The following MCC variants were observed in gnomAD, a reference collection of about 807,000 sequenced individuals.
The protein encoded by MCC is colorectal mutant cancer protein.
Under a neutral mutation model 116.2 loss-of-function variants are expected in MCC, and 90 were observed. The ratio of observed to expected loss-of-function variants is 0.77; its 90% confidence interval spans 0.65 to 0.92. The LOEUF (loss-of-function observed/expected upper bound fraction) is 0.92, where lower values mean the gene tolerates loss of function less well. MCC is among the 40% of genes least tolerant of loss of function. The probability of loss-of-function intolerance (pLI) is 0.00; values close to 1 mark genes in which losing one functional copy is unlikely to be tolerated. For synonymous variants in MCC, 578 were observed against 510.5 expected, an observed-to-expected ratio of 1.13 and a Z score of -1.78; for missense variants, 1,516 against 1,312.2, an observed-to-expected ratio of 1.16 and a Z score of -2.40.
intron 3 of MCC, among the ~76,000 whole-genome samples, chr5:113,298,506 G>A (rs1429926693): frequency 6.6e-6 from 1 of 152,202 alleles, no homozygotes; most frequent in Non-Finnish European, 1.5e-5. Flanking sequence ...GATGGTGACA[G>A]GAAAATGGGA....
chr5:113,252,099 C>A (rs1350102764), intron 3 of MCC, among the ~76,000 whole-genome samples: 1 of 152,182 alleles, frequency 6.6e-6, no homozygotes, highest in Non-Finnish European at 1.5e-5. Flanking sequence ...TTATCCCTGA[C>A]GTCCTGCCAA....
intron 6 of MCC, among the ~76,000 whole-genome samples, chr5:113,109,251 G>GTATACT (rs1422491805): frequency 6.6e-6 from 1 of 152,174 alleles, no homozygotes; most frequent in African/African-American, 2.4e-5. Flanking sequence ...GTAGCCAAAA[G>GTATACT]GTGGAAGTAG....
intron 1 of MCC, among the ~76,000 whole-genome samples, chr5:113,466,171 C>CTTT (rs11400769): frequency 5.8e-4 from 87 of 149,548 alleles, no homozygotes; most frequent in African/African-American, 2.0e-3. Flanking sequence ...AGTAGCCATT[C>CTTT]TTTTTTTTTT....
At chr5:113,327,564 ATAT>A (rs1767598825) in intron 3 of MCC, among the ~76,000 whole-genome samples, 2 of 80,504 alleles carry the variant, frequency 2.5e-5, no homozygotes, top group African/African-American at 1.0e-4. Context: ...AAAAAAAAAT[ATAT>A]ATATATATAT....
intron 3 of MCC, among the ~76,000 whole-genome samples, chr5:113,226,663 T>G (rs1200515304): frequency 1.3e-5 from 2 of 152,244 alleles, no homozygotes; most frequent in Non-Finnish European, 2.9e-5. Context: ...GAGCTTAAAT[T>G]AAGCTAATTG....
At chr5:113,042,743 G>A (rs1343233519) in intron 17 of MCC, among the ~76,000 whole-genome samples, 1 of 151,352 alleles carries the variant, frequency 6.6e-6, no homozygotes, top group Non-Finnish European at 1.5e-5. Flanking sequence ...GATATGCTGA[G>A]GTGTAAAATA....
intron 3 of MCC, among the ~76,000 whole-genome samples, chr5:113,240,706 C>G (rs1764332996): frequency 1.3e-5 from 2 of 152,156 alleles, no homozygotes; most frequent in East Asian, 3.8e-4. Flanking sequence ...TTCCTATACT[C>G]AGAGAGCAAA....
At chr5:113,368,019 G>A (rs952491540) in intron 2 of MCC, among the ~76,000 whole-genome samples, 2 of 152,152 alleles carry the variant, frequency 1.3e-5, no homozygotes, top group African/African-American at 4.8e-5. Flanking sequence ...TGCTCTAGTA[G>A]GGGTAAGCTG....
chr5:113,125,460 G>C (rs964132261), intron 5 of MCC, among the ~76,000 whole-genome samples: 2 of 152,126 alleles, frequency 1.3e-5, no homozygotes, highest in African/African-American at 4.8e-5. Context: ...TTAAATATTA[G>C]AAAGTTCATG....
chr5:113,088,326 T>C (rs1755349525), intron 8 of MCC, among the ~76,000 whole-genome samples: 1 of 151,946 alleles, frequency 6.6e-6, no homozygotes, highest in African/African-American at 2.4e-5. Context: ...TGAGTCAGCT[T>C]AGGCATGGCT....
At chr5:113,258,897 A>T (rs1360880228) in intron 3 of MCC, among the ~76,000 whole-genome samples, 1 of 152,228 alleles carries the variant, frequency 6.6e-6, no homozygotes, top group Non-Finnish European at 1.5e-5. Flanking sequence ...TAAATCTTTT[A>T]AAGTAATTTT....
intron 17 of MCC, among the ~76,000 whole-genome samples, chr5:113,040,935 T>A (rs1751668600): frequency 6.6e-6 from 1 of 152,234 alleles, no homozygotes; most frequent in Non-Finnish European, 1.5e-5. Flanking sequence ...TTTGAAAAAC[T>A]TAAGGGCTTA....
chr5:113,164,547 C>A (rs1760672399), intron 3 of MCC, among the ~76,000 whole-genome samples: 1 of 152,184 alleles, frequency 6.6e-6, no homozygotes, highest in Admixed American at 6.5e-5. Context: ...CAGATGAATT[C>A]TGCCTAGCTC....
intron 3 of MCC, among the ~76,000 whole-genome samples, chr5:113,333,818 TAC>T (rs1214374318): frequency 1.8e-4 from 20 of 108,250 alleles, no homozygotes; most frequent in African/African-American, 6.0e-4. Flanking sequence ...TGTATATATG[TAC>T]ATATATGTAT....
At chr5:113,349,865 T>A (rs1048703770) in intron 2 of MCC, among the ~76,000 whole-genome samples, 1 of 152,052 alleles carries the variant, frequency 6.6e-6, no homozygotes, top group Non-Finnish European at 1.5e-5. Context: ...AAAATCAACA[T>A]ACAAAAATCA....
intron 3 of MCC, among the ~76,000 whole-genome samples, chr5:113,180,032 C>T (rs1761534533): frequency 6.6e-6 from 1 of 152,092 alleles, no homozygotes; most frequent in African/African-American, 2.4e-5. Flanking sequence ...CTATTCTCAC[C>T]CCAGAAGTAC....
intron 3 of MCC, among the ~76,000 whole-genome samples, chr5:113,271,089 C>G (rs966990638): frequency 2.6e-5 from 4 of 152,148 alleles, no homozygotes; most frequent in African/African-American, 9.7e-5. Flanking sequence ...CCTTAGTGAG[C>G]AAGTATGTTC....
intron 3 of MCC, among the ~76,000 whole-genome samples, chr5:113,317,415 G>C (rs750781699): frequency 2.6e-5 from 4 of 152,148 alleles, no homozygotes; most frequent in Admixed American, 1.3e-4. Context: ...AATGGACACT[G>C]GTAGATTTAT....
rs10673164 is a variant in MCC at position 113,386,754 on chromosome 5, CATATAT to C, written c.171-1548_171-1543del. On this transcript the variant is annotated intron_variant, in intron 1 of 18. Transcript: ENST00000408903. ...TGTGTGTCTGTGTCCATATGTATAT[CATATAT>C]ATATATATATATATGCCTCTGCATC... is the stretch of plus-strand genomic sequence containing the variant. 5.5e-3 allele frequency among the ~76,000 whole-genome samples: 771 copies of C among 141,100 alleles called. 13 individuals are homozygous for C. The highest frequency in any genetic ancestry group is 6.3e-3 in the Non-Finnish European group (418 of 66,130). The allele number at this position is 141,100 out of a possible 152,430, so 92.6% of individuals were successfully genotyped here.
Sources: allele counts gnomAD v4.1 joint callset (sites outside exome capture counted in the v4.1 genomes callset), GRCh38; gene constraint gnomAD v4.1.1; transcripts MANE v1.5; gene names NCBI Gene and HGNC (gene_info 2026-07-23, HGNC 2026-07-21).